Variants in WDHD1 observed in about 807,000 individuals in gnomAD.
The protein encoded by WDHD1 is WD repeat and HMG-box DNA binding protein 1.
WDHD1 carries 111 observed loss-of-function variants against 135.4 expected under a neutral mutation model. That is an observed-to-expected ratio of 0.82 (90% confidence interval 0.70 to 0.96). WDHD1 has a LOEUF of 0.96. Ranked by LOEUF, WDHD1 falls within the 40% of genes least tolerant of loss-of-function variation. WDHD1 has a pLI of 0.00. For synonymous variants in WDHD1, 434 were observed against 439.0 expected (o/e 0.99, Z 0.14); for missense variants, 1,351 against 1,336.3 (o/e 1.01, Z -0.17).
At chr14:54,985,798 CATG>C (rs1214605702) in intron 14 of WDHD1, among the ~76,000 whole-genome samples, 1 of 152,086 alleles carries the variant, frequency 6.6e-6, no homozygotes, top group African/African-American at 2.4e-5. Context: ...ATAGAATTGA[CATG>C]ATGATATAAT....
chr14:54,943,563 T>TACAAA (rs947078184), intron 25 of WDHD1, among the ~76,000 whole-genome samples: 1 of 152,024 alleles, frequency 6.6e-6, no homozygotes, highest in Non-Finnish European at 1.5e-5. Flanking sequence ...CATGCCAGGC[T>TACAAA]AATTTTTAAA....
intron 21 of WDHD1, among the ~76,000 whole-genome samples, chr14:54,961,400 C>T (rs540848411): frequency 3.3e-5 from 5 of 152,292 alleles, no homozygotes; most frequent in African/African-American, 1.2e-4. Context: ...TGGCTCCTGC[C>T]CATCACTCCG....
intron 24 of WDHD1, among the ~76,000 whole-genome samples, chr14:54,944,901 C>G (rs2040898073): frequency 6.6e-6 from 1 of 152,156 alleles, no homozygotes; most frequent in Admixed American, 6.6e-5. Context: ...AGCCACCGTG[C>G]CTGGCCTCAT....
chr14:55,005,141 C>G, intron 7 of WDHD1: 1 of 535,402 alleles, frequency 1.9e-6, no homozygotes, highest in East Asian at 4.8e-5. Flanking sequence ...GCCACACATG[C>G]GAACTTCCTG....
chr14:55,026,082 C>G (rs1445106512), intron 2 of WDHD1, among the ~76,000 whole-genome samples: 1 of 152,148 alleles, frequency 6.6e-6, no homozygotes, highest in African/African-American at 2.4e-5. Flanking sequence ...AGACCTTAAG[C>G]TCAAAGGAGG....
chr14:54,946,743 CT>C (rs1471500100), intron 24 of WDHD1, among the ~76,000 whole-genome samples: 1 of 152,212 alleles, frequency 6.6e-6, no homozygotes, highest in Non-Finnish European at 1.5e-5. Flanking sequence ...TCATGTTGGC[CT>C]TCCAAAGTGT....
At chr14:54,957,748 T>C (rs1166007790) in intron 21 of WDHD1, 113 bp from the exon 22 acceptor site, 1 of 898,650 alleles carries the variant, frequency 1.1e-6, no homozygotes, top group African/African-American at 1.7e-5. Context: ...AAATGTATTT[T>C]GCAACTTTTC....
chr14:54,963,831 G>A (rs1191908210), intron 18 of WDHD1, among the ~76,000 whole-genome samples: 1 of 151,170 alleles, frequency 6.6e-6, no homozygotes, highest in Non-Finnish European at 1.5e-5. Context: ...AATCAAGGGG[G>A]CCAGGTGTGC....
At chr14:54,957,539 C>G (rs145015087) in intron 22 of WDHD1, 53 bp downstream of exon 22, 3 of 1,430,134 alleles carry the variant, frequency 2.1e-6, no homozygotes, top group African/African-American at 1.5e-5. Context: ...GGAAATATTT[C>G]TTTGTATACA....
At chr14:55,007,219 C>T in intron 7 of WDHD1, 61 bp downstream of exon 7, 1 of 1,285,596 alleles carries the variant, frequency 7.8e-7, no homozygotes, top group Non-Finnish European at 1.1e-6. Context: ...CAGAGTGAGA[C>T]TCCATCTCTA....
intron 4 of WDHD1, 54 bp from the exon 5 acceptor site, chr14:55,008,773 C>T (rs973511860): frequency 8.2e-7 from 1 of 1,218,924 alleles, no homozygotes; most frequent in African/African-American, 1.5e-5. Flanking sequence ...AAGGCCTCTC[C>T]TAAAAGCTAT....
intron 18 of WDHD1, among the ~76,000 whole-genome samples, chr14:54,965,293 T>C (rs1595074009): frequency 6.6e-6 from 1 of 152,138 alleles, no homozygotes; most frequent in Non-Finnish European, 1.5e-5. Flanking sequence ...TAAACCAACC[T>C]TGAGTGGGGA....
intron 3 of WDHD1, 66 bp downstream of exon 3, chr14:55,013,419 T>A (rs1215248841): frequency 9.2e-7 from 1 of 1,091,686 alleles, no homozygotes; most frequent in East Asian, 2.4e-5. Context: ...AAATATTTTT[T>A]CACTCAAGCA....
intron 18 of WDHD1, among the ~76,000 whole-genome samples, chr14:54,965,329 C>T (rs2041323446): frequency 6.6e-6 from 1 of 152,122 alleles, no homozygotes; most frequent in Admixed American, 6.6e-5. Flanking sequence ...TTTAAGACAC[C>T]CTGCTCCAAA....
chr14:55,017,664 A>G lies in WDHD1; in HGVS notation c.78-4068T>C, dbSNP rs184010293. 2.2e-3 allele frequency among the ~76,000 whole-genome samples: 335 copies of G among 152,292 alleles called. 2 individuals carry two copies. Among genetic ancestry groups the G allele is most frequent in the African/African-American group, 7.6e-3 (315 of 41,564 alleles). On this transcript the variant is annotated intron_variant, in intron 2 of 25. Transcript: ENST00000360586. Reference sequence around the variant, plus strand: ...AGCCAGAAAAATCAATGTTCTTACTATATTAGGAAATCTGTGAAACACAAA... The same window carrying G: ...AGCCAGAAAAATCAATGTTCTTACTGTATTAGGAAATCTGTGAAACACAAA...
chr14:55,020,762 A>C (rs1205707862), intron 2 of WDHD1, among the ~76,000 whole-genome samples: 1 of 152,200 alleles, frequency 6.6e-6, no homozygotes, highest in Non-Finnish European at 1.5e-5. Flanking sequence ...TGATTATCCT[A>C]AAACTTTACT....
Position 54,987,133 on chromosome 14 carries a change from G to GA in WDHD1, c.1768+12dup. The GA allele has an allele frequency of 6.2e-7, 1 of 1,610,750 alleles. No individual in the cohort carries two copies. The highest frequency in any genetic ancestry group is 8.5e-7 in the Non-Finnish European group (1 of 1,178,526). On this transcript the variant is annotated intron_variant, in intron 14 of 25. Transcript: ENST00000360586. ...ATTTTACTTCAAGTCATAAAAGACT[G>GA]AAAAAAATCTACCTCTGTGATAAAC...
intron 12 of WDHD1, among the ~76,000 whole-genome samples, chr14:54,990,725 A>C (rs2041772111): frequency 6.6e-6 from 1 of 152,224 alleles, no homozygotes. Context: ...ATCAGTAAAC[A>C]AAACAAAAAT....
intron 7 of WDHD1, 30 bp downstream of exon 7, chr14:55,007,244 AAAAAAG>A: frequency 2.7e-6 from 4 of 1,495,814 alleles, no homozygotes; most frequent in Middle Eastern, 4.3e-4. Flanking sequence ...AAAAAAAAAA[AAAAAAG>A]AAAAGAAAAG....
Sources: allele counts gnomAD v4.1 joint callset (sites outside exome capture counted in the v4.1 genomes callset), GRCh38; gene constraint gnomAD v4.1.1; transcripts MANE v1.5; gene names NCBI Gene and HGNC (gene_info 2026-07-23, HGNC 2026-07-21).